THSD7A: variants seen among roughly 807,000 people sequenced by gnomAD.
THSD7A encodes the protein thrombospondin type 1 domain containing 7A, also known as thrombospondin type-1 domain-containing protein 7A.
Under a neutral mutation model 231.3 loss-of-function variants are expected in THSD7A, and 96 were observed. The observed-to-expected ratio is 0.41, with a 90% CI of 0.35 to 0.49. The LOEUF (loss-of-function observed/expected upper bound fraction) is 0.49, where lower values mean the gene tolerates loss of function less well. Among genes scored for constraint, THSD7A ranks in the 20% least tolerant of loss-of-function variants. The pLI, the probability that THSD7A is intolerant of heterozygous loss-of-function variation, is 0.05. For missense variants in THSD7A, 2,290 were observed against 2,070.2 expected, an observed-to-expected ratio of 1.11 and a Z score of -2.06; for synonymous variants, 940 against 743.3, an observed-to-expected ratio of 1.26 and a Z score of -4.30.
intron 22 of THSD7A, among the ~76,000 whole-genome samples, chr7:11,402,419 G>C (rs1783437820): frequency 6.6e-6 from 1 of 152,174 alleles, no homozygotes; most frequent in Non-Finnish European, 1.5e-5. Context: ...CGACAGAGCT[G>C]GTTTTATGTT....
intron 22 of THSD7A, among the ~76,000 whole-genome samples, chr7:11,404,316 A>C (rs1783509244): frequency 6.6e-6 from 1 of 152,204 alleles, no homozygotes; most frequent in Admixed American, 6.5e-5. Flanking sequence ...TGCTGCAGAA[A>C]GTATAATGAA....
rs191407221 is a variant in THSD7A, at chr7:11,690,389, G to T, written c.191-53428C>A. On this transcript the variant is annotated intron_variant, in intron 1 of 27. Coordinates refer to ENST00000423059, the MANE Select transcript of THSD7A (RefSeq NM_015204.3). ...GTAGGTTCTCAATTTGACAAAGTCT[G>T]CTCAGTTATCTCTCTTTTTCTCAAG... is the stretch of plus-strand genomic sequence containing the variant. Among the ~76,000 whole-genome samples the T allele has an allele frequency of 5.5e-3, 835 of 151,866 alleles. 5 individuals are homozygous for T. Among genetic ancestry groups the T allele is most frequent in the Middle Eastern group, 0.01 (3 of 294 alleles).
intron 27 of THSD7A, 138 bp downstream of exon 27, chr7:11,376,432 T>C (rs1782276593): frequency 1.5e-6 from 1 of 689,504 alleles, no homozygotes; most frequent in Non-Finnish European, 2.3e-6. Context: ...TTTTAGCCCA[T>C]CTAGGACTAA....
chr7:11,382,385 C>T (rs1004250624), intron 24 of THSD7A, 136 bp downstream of exon 24: 4 of 699,546 alleles, frequency 5.7e-6, no homozygotes, highest in East Asian at 2.7e-5. Context: ...TGGGTATATA[C>T]AGCTTAGGCA....
At chr7:11,700,696 G>T (rs1584232880) in intron 1 of THSD7A, among the ~76,000 whole-genome samples, 1 of 151,162 alleles carries the variant, frequency 6.6e-6, no homozygotes, top group South Asian at 2.1e-4. Flanking sequence ...AATTTGTTTT[G>T]ATCTTAATTA....
intron 1 of THSD7A, among the ~76,000 whole-genome samples, chr7:11,793,506 T>G (rs1326484460): frequency 6.6e-6 from 1 of 151,668 alleles, no homozygotes; most frequent in Non-Finnish European, 1.5e-5. Flanking sequence ...CACTATAATG[T>G]TTTTAGTTTT....
intron 16 of THSD7A, among the ~76,000 whole-genome samples, chr7:11,417,939 A>T (rs1188307384): frequency 6.6e-6 from 1 of 152,168 alleles, no homozygotes; most frequent in African/African-American, 2.4e-5. Flanking sequence ...TACACATATG[A>T]GGGAGAAACT....
At chr7:11,801,391 C>G (rs965833666) in intron 1 of THSD7A, among the ~76,000 whole-genome samples, 2 of 151,942 alleles carry the variant, frequency 1.3e-5, no homozygotes, top group Admixed American at 6.6e-5. Context: ...ACATACATTA[C>G]TTAATCTAAT....
chr7:11,407,954 G>A (rs372908746), intron 19 of THSD7A, among the ~76,000 whole-genome samples: 2 of 151,854 alleles, frequency 1.3e-5, no homozygotes, highest in Non-Finnish European at 2.9e-5. Context: ...AGAAATATGG[G>A]TCACCAAAGT....
At chr7:11,580,826 C>T (rs761797595) in intron 4 of THSD7A, among the ~76,000 whole-genome samples, 6 of 152,048 alleles carry the variant, frequency 3.9e-5, no homozygotes, top group African/African-American at 7.3e-5. Flanking sequence ...ATCTGTACAA[C>T]AAACCCCCAT....
At chr7:11,777,397 T>A (rs1488307095) in intron 1 of THSD7A, among the ~76,000 whole-genome samples, 8 of 147,178 alleles carry the variant, frequency 5.4e-5, no homozygotes, top group African/African-American at 1.8e-4. Context: ...AAAACTATGT[T>A]TCAGATGTAA....
chr7:11,379,597 C>G (rs1183720461), intron 25 of THSD7A, 33 bp downstream of exon 25: 2 of 1,537,942 alleles, frequency 1.3e-6, no homozygotes, highest in African/African-American at 1.4e-5. Flanking sequence ...CATGATGGAG[C>G]TGGCTTGTCT....
chr7:11,793,955 A>T (rs1422176845), intron 1 of THSD7A, among the ~76,000 whole-genome samples: 1 of 151,890 alleles, frequency 6.6e-6, no homozygotes, highest in Non-Finnish European at 1.5e-5. Context: ...GTGTCAAATG[A>T]TCTAAAGTTT....
At chr7:11,419,590 A>G (rs766727439) in intron 16 of THSD7A, among the ~76,000 whole-genome samples, 3 of 152,322 alleles carry the variant, frequency 2.0e-5, no homozygotes, top group Non-Finnish European at 4.4e-5. Context: ...AATACAGAAA[A>G]TTGGTACAAA....
chr7:11,602,311 T>A (rs1481897163), intron 2 of THSD7A, among the ~76,000 whole-genome samples: 1 of 152,130 alleles, frequency 6.6e-6, no homozygotes, highest in Admixed American at 6.6e-5. Flanking sequence ...TGTGTGTGTA[T>A]GTGTATATAT....
chr7:11,452,914 T>C (rs1427192881), intron 11 of THSD7A, among the ~76,000 whole-genome samples: 1 of 151,988 alleles, frequency 6.6e-6, no homozygotes. Flanking sequence ...GGGTAATAAC[T>C]AATAAATATA....
chr7:11,409,969 C>A (rs899277151), intron 19 of THSD7A, among the ~76,000 whole-genome samples: 6 of 152,020 alleles, frequency 3.9e-5, no homozygotes, highest in African/African-American at 1.4e-4. Context: ...CCTGAACCCC[C>A]GACCTCAGGT....
rs1783784462 is a variant in THSD7A at position 11,411,450 on chromosome 7, C to T, written c.3683-128G>A. On this transcript the variant is annotated intron_variant, in intron 18 of 27. Coordinates refer to ENST00000423059, the MANE Select transcript of THSD7A (RefSeq NM_015204.3). This position sits in a 1 kb window ranked among gnomAD's most constrained non-coding sequence, Gnocchi z 4.1. ...CTAAGCCCCATAATCAATCATCCCC[C>T]ATGCAGAGCATATGGGTCCCAGCTT... is the stretch of plus-strand genomic sequence containing the variant. 4.6e-6 allele frequency: 3 copies of T among 646,754 alleles called. No homozygotes were observed. The highest frequency in any genetic ancestry group is 1.9e-5 in the South Asian group (1 of 51,494). The allele number at this position is 646,754 out of a possible 1,614,324, so 40.1% of individuals were successfully genotyped here.
chr7:11,451,154 A>T lies in THSD7A; in HGVS notation c.2606-3730T>A, dbSNP rs145549419. Among the ~76,000 whole-genome samples the T allele has an allele frequency of 2.4e-3, 364 of 152,148 alleles. 2 individuals are homozygous for T. The highest frequency in any genetic ancestry group is 8.1e-3 in the African/African-American group (338 of 41,552). ...AAGATAAATAAGAGAAGTTTCTTCA[A>T]CAAATACATGCTATGAAAAAGGGAG... On this transcript the variant is annotated intron_variant, in intron 11 of 27. Transcript: ENST00000423059.
Sources: allele counts gnomAD v4.1 joint callset (sites outside exome capture counted in the v4.1 genomes callset), GRCh38; gene constraint gnomAD v4.1.1; non-coding constraint Gnocchi (gnomAD v3.1); transcripts MANE v1.5; gene names NCBI Gene and HGNC (gene_info 2026-07-23, HGNC 2026-07-21).